Variants in SYT6 observed in about 807,000 individuals in gnomAD.
SYT6 encodes synaptotagmin-6.
In SYT6, 24 loss-of-function variants were observed where a neutral mutation model predicts 38.4. The observed-to-expected ratio is 0.62, with a 90% CI of 0.45 to 0.88. The LOEUF is 0.88. Ranked by LOEUF, SYT6 falls within the 40% of genes least tolerant of loss-of-function variation. The pLI is 0.00. For missense variants in SYT6, 611 were observed against 621.0 expected, an observed-to-expected ratio of 0.98 and a Z score of 0.17; for synonymous variants, 265 against 241.9, an observed-to-expected ratio of 1.10 and a Z score of -0.89.
chr1:114,108,316 A>G (rs74112929), intron 3 of SYT6, among the ~76,000 whole-genome samples: 4,184 of 152,232 alleles, frequency 0.027, 175 homozygotes, highest in African/African-American at 0.095. Context: ...ATCTGCAACA[A>G]CTGATTAAAG....
chr1:114,145,766 A>C (rs545878756), intron 1 of SYT6, among the ~76,000 whole-genome samples: 10 of 152,286 alleles, frequency 6.6e-5, no homozygotes, highest in Non-Finnish European at 1.5e-4. Context: ...CATACATCTT[A>C]CTTGTTCTGG....
At chr1:114,118,232 C>A (rs749397575) in intron 3 of SYT6, among the ~76,000 whole-genome samples, 3 of 152,220 alleles carry the variant, frequency 2.0e-5, no homozygotes, top group Non-Finnish European at 4.4e-5. Context: ...GATGATAAAG[C>A]GCCAAATTAG....
chr1:114,123,966 C>A (rs1677568539), intron 3 of SYT6, among the ~76,000 whole-genome samples: 1 of 55,626 alleles, frequency 1.8e-5, no homozygotes, highest in Non-Finnish European at 3.1e-5. Flanking sequence ...CTGGCTGAGA[C>A]CCCATCCGGC....
At chr1:114,101,643 T>G (rs1675975256) in intron 4 of SYT6, among the ~76,000 whole-genome samples, 1 of 152,206 alleles carries the variant, frequency 6.6e-6, no homozygotes, top group South Asian at 2.1e-4. Context: ...AGGCAATTAA[T>G]AAGCTCCATT....
intron 3 of SYT6, among the ~76,000 whole-genome samples, chr1:114,127,238 G>A (rs1490471497): frequency 6.6e-6 from 1 of 152,196 alleles, no homozygotes; most frequent in Non-Finnish European, 1.5e-5. Context: ...AACAGTTTGT[G>A]GACTTGGAGT....
rs1006834602 is a variant in SYT6, at chr1:114,103,491, C to G, written c.1192+110G>C. On this transcript the variant is annotated intron_variant, in intron 4 of 7. Coordinates refer to ENST00000610222, the MANE Select transcript of SYT6 (RefSeq NM_001253772.2). ...GAATCCAGGCAGTTTGTGTCCAGAG[C>G]TGGTGCTTCTATTCTAAGAATGCTG... The G allele has an allele frequency of 1.8e-5, 26 of 1,452,174 alleles. No homozygotes were observed. In the African/African-American group the frequency reaches 2.9e-4, roughly 16 times the overall value. 90.0% of individuals were successfully genotyped at this position (1,452,174 alleles called of 1,614,324 possible). A position where few individuals can be genotyped will look rare whatever the true frequency, so the allele number is the denominator to read the frequency against.
At chr1:114,129,944 C>T (rs181851745) in intron 3 of SYT6, among the ~76,000 whole-genome samples, 427 of 152,112 alleles carry the variant, frequency 2.8e-3, no homozygotes, top group Non-Finnish European at 4.6e-3. Flanking sequence ...CTCGGCCTCC[C>T]GAAGTGCTAG....
chr1:114,120,506 T>C (rs1213065336), intron 3 of SYT6, among the ~76,000 whole-genome samples: 1 of 152,208 alleles, frequency 6.6e-6, no homozygotes, highest in Non-Finnish European at 1.5e-5. Context: ...TTTAATGATG[T>C]TTCAAACTTA....
At chr1:114,144,999 C>T (rs1156628638) in intron 1 of SYT6, among the ~76,000 whole-genome samples, 1 of 152,082 alleles carries the variant, frequency 6.6e-6, no homozygotes, top group African/African-American at 2.4e-5. Flanking sequence ...TTTCCCTGGC[C>T]AAAGGAGCTG....
intron 1 of SYT6, among the ~76,000 whole-genome samples, chr1:114,143,136 A>ATATACATATATGTATATAC (rs1291865561): frequency 2.1e-5 from 3 of 144,796 alleles, no homozygotes; most frequent in African/African-American, 8.0e-5. Context: ...ATTCACATAT[A>ATATACATATATGTATATAC]TGTATATATA....
chr1:114,099,324 A>T (rs896872812), intron 4 of SYT6, 59 bp from the exon 5 acceptor site: 14 of 1,522,852 alleles, frequency 9.2e-6, no homozygotes, highest in African/African-American at 1.4e-5. Context: ...GTCTGCAAAC[A>T]TCATTTGCAG....
chr1:114,122,853 AC>A (rs1205654496), intron 3 of SYT6, among the ~76,000 whole-genome samples: 1 of 144,188 alleles, frequency 6.9e-6, no homozygotes, highest in East Asian at 2.2e-4. Flanking sequence ...GCCCAGCAGC[AC>A]CAAGAAAGGT....
chr1:114,125,020 G>GT (rs1367690718), intron 3 of SYT6, among the ~76,000 whole-genome samples: 1 of 152,242 alleles, frequency 6.6e-6, no homozygotes, highest in Non-Finnish European at 1.5e-5. Flanking sequence ...TTAACGTGCA[G>GT]TTGGAATTCT....
chr1:114,106,729 C>A (rs1183125127), intron 3 of SYT6, among the ~76,000 whole-genome samples: 1 of 152,074 alleles, frequency 6.6e-6, no homozygotes, highest in Non-Finnish European at 1.5e-5. Flanking sequence ...CCCCCATGGA[C>A]CCTTGCCCAG....
intron 3 of SYT6, among the ~76,000 whole-genome samples, chr1:114,135,284 C>G (rs778756083): frequency 5.3e-5 from 8 of 152,130 alleles, no homozygotes; most frequent in Non-Finnish European, 7.3e-5. Flanking sequence ...ATCAAGGAGA[C>G]CTTCACCAGC....
intron 3 of SYT6, among the ~76,000 whole-genome samples, chr1:114,104,984 C>T (rs1676198767): frequency 1.3e-5 from 2 of 151,980 alleles, no homozygotes; most frequent in Non-Finnish European, 2.9e-5. Flanking sequence ...AACCTTGCCC[C>T]CTCCCTCCCT....
At chr1:114,128,545 G>A (rs930643896) in intron 3 of SYT6, among the ~76,000 whole-genome samples, 1 of 152,118 alleles carries the variant, frequency 6.6e-6, no homozygotes, top group East Asian at 1.9e-4. Context: ...AGAATAACAC[G>A]GCCCGTGTCC....
intron 1 of SYT6, among the ~76,000 whole-genome samples, chr1:114,144,812 C>G (rs1406460946): frequency 6.6e-6 from 1 of 152,146 alleles, no homozygotes; most frequent in Admixed American, 6.5e-5. Context: ...CAGCCACTCT[C>G]TCTGGGAAGC....
At chr1:114,130,242 A>G (rs967854599) in intron 3 of SYT6, among the ~76,000 whole-genome samples, 28 of 151,166 alleles carry the variant, frequency 1.9e-4, no homozygotes, top group Non-Finnish European at 5.9e-5. Flanking sequence ...ACTCTCAGAC[A>G]TACTATTTAT....
Sources: allele counts gnomAD v4.1 joint callset (sites outside exome capture counted in the v4.1 genomes callset), GRCh38; gene constraint gnomAD v4.1.1; transcripts MANE v1.5; gene names NCBI Gene and HGNC (gene_info 2026-07-23, HGNC 2026-07-21).